The following PTPRA variants were observed in gnomAD, a reference collection of about 807,000 sequenced individuals.
PTPRA encodes the protein receptor-type tyrosine-protein phosphatase alpha.
In PTPRA, 25 loss-of-function variants were observed where a neutral mutation model predicts 104.8. The observed-to-expected ratio is 0.24, with a 90% CI of 0.17 to 0.33. The LOEUF (loss-of-function observed/expected upper bound fraction) is 0.33. Among genes scored for constraint, PTPRA ranks in the 10% least tolerant of loss-of-function variants. PTPRA has a pLI of 1.00. For synonymous variants in PTPRA, 323 were observed against 368.9 expected, an observed-to-expected ratio of 0.88 and a Z score of 1.43; for missense variants, 765 against 1,015.3, an observed-to-expected ratio of 0.75 and a Z score of 3.35.
chr20:2,884,265 G>C lies in PTPRA; in HGVS notation c.-129+10505G>C, dbSNP rs541337627. Among the ~76,000 whole-genome samples the C allele has an allele frequency of 2.0e-5, 3 of 152,206 alleles. No homozygotes were observed. In the East Asian group the frequency reaches 5.8e-4, roughly 29 times the overall value. ...CTCTTGGGTATATATATATACCTAGGAGTAGGATTGCTGGGTTAAACGGTG... is the reference window on the plus strand; with the variant it reads ...CTCTTGGGTATATATATATACCTAGCAGTAGGATTGCTGGGTTAAACGGTG... On this transcript the variant is annotated intron_variant, in intron 1 of 23. Transcript: ENST00000399903.
chr20:2,895,551 C>G (rs990166254), intron 1 of PTPRA, among the ~76,000 whole-genome samples: 5 of 151,566 alleles, frequency 3.3e-5, no homozygotes, highest in Non-Finnish European at 5.9e-5. Context: ...GAGTGTTGCT[C>G]TGTCACCCAG....
intron 2 of PTPRA, among the ~76,000 whole-genome samples, chr20:2,927,219 A>G (rs1329253976): frequency 6.6e-6 from 1 of 152,156 alleles, no homozygotes; most frequent in Non-Finnish European, 1.5e-5. Flanking sequence ...TATTTATGTT[A>G]TTATAGCTAA....
intron 1 of PTPRA, among the ~76,000 whole-genome samples, chr20:2,874,227 GC>G (rs1324792374): frequency 6.6e-6 from 1 of 151,772 alleles, no homozygotes; most frequent in African/African-American, 2.4e-5. Flanking sequence ...TCTCCTTGCC[GC>G]CCTCTCCCAA....
At chr20:3,004,715 A>G (rs536051837) in intron 9 of PTPRA, among the ~76,000 whole-genome samples, 1 of 152,354 alleles carries the variant, frequency 6.6e-6, no homozygotes, top group South Asian at 2.1e-4. Flanking sequence ...TCCTTCAGGT[A>G]TGTCCCCATT....
At chr20:2,998,284 T>TGAGATGTGA (rs1044030274) in intron 9 of PTPRA, among the ~76,000 whole-genome samples, 1 of 152,016 alleles carries the variant, frequency 6.6e-6, no homozygotes, top group African/African-American at 2.4e-5. Context: ...CTGTGCGATG[T>TGAGATGTGA]GAGATGTGAC....
At chr20:2,915,203 C>T (rs1481194549) in intron 1 of PTPRA, among the ~76,000 whole-genome samples, 1 of 152,090 alleles carries the variant, frequency 6.6e-6, no homozygotes, top group Admixed American at 6.6e-5. Flanking sequence ...GTAATCCTCC[C>T]ACCTCAGCCT....
At position 2,876,200 on chromosome 20, in the gene PTPRA, A is replaced by G. The variant is rs186106330; in HGVS notation, c.-129+2440A>G. ...GTCACAGCCTCTTAGACCCAGAGGA[A>G]GGTGTAGAGAGAATCCTGCTCAATT... On this transcript the variant is annotated intron_variant, in intron 1 of 23. Transcript: ENST00000399903. Among the ~76,000 whole-genome samples the G allele has an allele frequency of 8.5e-5, 13 of 152,336 alleles. No individual in the cohort carries two copies. In the East Asian group the frequency reaches 2.5e-3, roughly 29 times the overall value.
rs917355981 is a variant in PTPRA at position 3,024,760 on chromosome 20, G to T, written c.1614+139G>T. On this transcript the variant is annotated intron_variant, in intron 17 of 23. Coordinates refer to ENST00000399903, the MANE Select transcript of PTPRA (RefSeq NM_001385305.1). The stretch of plus-strand genomic sequence containing the variant: ...TGGTTAAGGAGATGGTCCTTTCCTC[G>T]TACTCTGGTAACTCTCAACTCATCC... The T allele has an allele frequency of 8.8e-5, 92 of 1,041,490 alleles. No individual in the cohort carries two copies. The South Asian group carries it at 1.4e-3, about 16-fold the overall frequency. 64.5% of individuals were successfully genotyped at this position (1,041,490 alleles called of 1,614,324 possible).
chr20:2,902,746 G>A (rs1375124057), intron 1 of PTPRA, among the ~76,000 whole-genome samples: 1 of 152,140 alleles, frequency 6.6e-6, no homozygotes, highest in Non-Finnish European at 1.5e-5. Context: ...TTTAATTTGA[G>A]AATTTTACTA....
At position 2,990,369 on chromosome 20, in the gene PTPRA, C is replaced by T. The variant is rs74456472; in HGVS notation, c.738+1895C>T. On this transcript the variant is annotated intron_variant, in intron 9 of 23. Transcript: ENST00000399903. Reference sequence around the variant, plus strand: ...GTCACATGCTCCTTCTTAAACCGGTCGTGAGCAAGGGAGAAAATAAGGTTA... The same window carrying T: ...GTCACATGCTCCTTCTTAAACCGGTTGTGAGCAAGGGAGAAAATAAGGTTA... 5.3e-5 allele frequency among the ~76,000 whole-genome samples: 8 copies of T among 152,208 alleles called. No homozygotes were observed. In the East Asian group the frequency reaches 1.5e-3, roughly 29 times the overall value.
At chr20:2,942,272 G>A (rs1195952654) in intron 2 of PTPRA, among the ~76,000 whole-genome samples, 2 of 152,088 alleles carry the variant, frequency 1.3e-5, no homozygotes, top group Admixed American at 6.6e-5. Flanking sequence ...TCAGGTTGTG[G>A]TATAATTATA....
rs564149430 is a variant in PTPRA, at chr20:2,970,574, T to C, written c.416-4641T>C. On this transcript the variant is annotated intron_variant, in intron 5 of 23. Coordinates refer to ENST00000399903, the MANE Select transcript of PTPRA (RefSeq NM_001385305.1). Reference sequence around the variant, plus strand: ...AAGGTTTTCCTGACTCGTTTGTAGATGTTCTTTGTACGTTTGGGAAATGAG... The same window carrying C: ...AAGGTTTTCCTGACTCGTTTGTAGACGTTCTTTGTACGTTTGGGAAATGAG... Among the ~76,000 whole-genome samples the C allele has an allele frequency of 6.3e-4, 96 of 152,370 alleles. 1 individual carries two copies. The highest frequency in any genetic ancestry group is 2.2e-3 in the African/African-American group (91 of 41,596).
chr20:3,035,595 C>T lies in PTPRA; in HGVS notation c.1931C>T (p.Ala644Val). ...ELEERGQEKC[A>V]QYWPSDGLVS... ...AACCTGTCTCTCCAGGAGAAGTGTGCCCAGTACTGGCCATCTGATGGACTG... is the reference window on the plus strand; with the variant it reads ...AACCTGTCTCTCCAGGAGAAGTGTGTCCAGTACTGGCCATCTGATGGACTG... The change falls in exon 21 of 24, where the codon GCC becomes GTC. Residue 644 changes from alanine to valine, a missense_variant. This residue lies in a region of PTPRA where 192 missense variants were observed against 227.0 expected (regional missense o/e 0.85). Transcript: ENST00000399903. This position sits in a 1 kb window ranked among gnomAD's most constrained non-coding sequence, Gnocchi z 5.8. 6.2e-7 allele frequency: 1 copy of T among 1,611,574 alleles called. No homozygotes were observed. Among genetic ancestry groups the T allele is most frequent in the Non-Finnish European group, 8.5e-7 (1 of 1,177,726 alleles).
intron 11 of PTPRA, among the ~76,000 whole-genome samples, chr20:3,008,738 A>AC (rs1420873601): frequency 3.1e-5 from 4 of 127,356 alleles, no homozygotes; most frequent in African/African-American, 6.2e-5. Flanking sequence ...TAAAAAAAAA[A>AC]AAAAAACAAA....
chr20:2,902,678 G>A (rs118176961), intron 1 of PTPRA, among the ~76,000 whole-genome samples: 246 of 152,270 alleles, frequency 1.6e-3, no homozygotes, highest in Non-Finnish European at 3.1e-3. Context: ...ATTTAAACAG[G>A]ACCTATAAAA....
Position 3,038,339 on chromosome 20 carries a change from A to G in PTPRA, c.*206A>G. 2.0e-6 allele frequency: 1 copy of G among 511,522 alleles called. No individual in the cohort carries two copies. Among genetic ancestry groups the G allele is most frequent in the Non-Finnish European group, 3.5e-6 (1 of 288,990 alleles). 31.7% of individuals were successfully genotyped at this position (511,522 alleles called of 1,614,324 possible). A position where few individuals can be genotyped will look rare whatever the true frequency, so the allele number is the denominator to read the frequency against. ...TTCCAATGTTTTATTGGGGAATTAAATAGTGTGATGTTTGGATTGATATCG... is the reference window on the plus strand; with the variant it reads ...TTCCAATGTTTTATTGGGGAATTAAGTAGTGTGATGTTTGGATTGATATCG... On this transcript the variant is annotated 3_prime_UTR_variant, in exon 24 of 24. Coordinates refer to ENST00000399903, the MANE Select transcript of PTPRA (RefSeq NM_001385305.1).
intron 9 of PTPRA, among the ~76,000 whole-genome samples, chr20:2,996,860 T>G (rs570854686): frequency 1.2e-4 from 18 of 152,226 alleles, no homozygotes; most frequent in Non-Finnish European, 2.6e-4. Flanking sequence ...TGGGGGAGTT[T>G]AAATTGGTAT....
intron 1 of PTPRA, among the ~76,000 whole-genome samples, chr20:2,913,646 CA>C (rs750180065): frequency 8.7e-5 from 12 of 137,616 alleles, no homozygotes; most frequent in Non-Finnish European, 1.6e-4. Context: ...TCAGAATTGC[CA>C]CATAAATTGT....
At chr20:2,905,968 G>A (rs1472270784) in intron 1 of PTPRA, among the ~76,000 whole-genome samples, 2 of 152,020 alleles carry the variant, frequency 1.3e-5, no homozygotes, top group Admixed American at 6.6e-5. Context: ...TTACAGGTGT[G>A]AGCCACCACA....
Sources: allele counts gnomAD v4.1 joint callset (sites outside exome capture counted in the v4.1 genomes callset), GRCh38; gene constraint gnomAD v4.1.1; regional missense constraint gnomAD v4.1.1; non-coding constraint Gnocchi (gnomAD v3.1); transcripts MANE v1.5; gene names NCBI Gene and HGNC (gene_info 2026-07-23, HGNC 2026-07-21).